GNA12: variants seen among roughly 807,000 people sequenced by gnomAD.
GNA12 encodes guanine nucleotide-binding protein subunit alpha-12.
In GNA12, 9 loss-of-function variants were observed where a neutral mutation model predicts 26.0. That is an observed-to-expected ratio of 0.35 (90% CI 0.21 to 0.60). GNA12 has a LOEUF of 0.60. Among genes scored for constraint, GNA12 ranks in the 20% least tolerant of loss-of-function variants. The pLI, the probability that GNA12 is intolerant of heterozygous loss-of-function variation, is 0.78. For missense variants in GNA12, 405 were observed against 525.8 expected (o/e 0.77, Z 2.25); for synonymous variants, 264 against 219.6 (o/e 1.20, Z -1.79).
At chr7:2,736,839 C>T (rs1790206570) in intron 2 of GNA12, among the ~76,000 whole-genome samples, 1 of 152,226 alleles carries the variant, frequency 6.6e-6, no homozygotes, top group East Asian at 1.9e-4. Context: ...GCAAGCTGCC[C>T]CTTCACAGAC....
chr7:2,828,416 C>A (rs755741232), intron 1 of GNA12, among the ~76,000 whole-genome samples: 2 of 152,170 alleles, frequency 1.3e-5, no homozygotes, highest in African/African-American at 4.8e-5. Flanking sequence ...TGAAGTGGCA[C>A]GATCCTAGCT....
chr7:2,778,465 T>A (rs1205032809), intron 2 of GNA12, among the ~76,000 whole-genome samples: 1 of 152,180 alleles, frequency 6.6e-6, no homozygotes, highest in Admixed American at 6.5e-5. Flanking sequence ...ATTTCTTCCA[T>A]GACACTCACA....
intron 1 of GNA12, among the ~76,000 whole-genome samples, chr7:2,829,040 T>A (rs1215584073): frequency 6.8e-6 from 1 of 147,878 alleles, no homozygotes; most frequent in Admixed American, 6.8e-5. Flanking sequence ...ATCACTGCAC[T>A]CCAGCCTCGG....
chr7:2,835,828 C>A, intron 1 of GNA12: 1 of 643,532 alleles, frequency 1.6e-6, no homozygotes, highest in South Asian at 1.5e-5. Flanking sequence ...GATGCCTTAT[C>A]AAATCGGTGA....
Position 2,731,706 on chromosome 7 carries a change from G to A in GNA12, c.621C>T (p.Ala207=), listed in dbSNP as rs918756975. ...AGTCATGCTCCACAATTCCCTTGGTGGCTTTCCTAGCCAGCAGGATATCTT... is the reference window on the plus strand; with the variant it reads ...AGTCATGCTCCACAATTCCCTTGGTAGCTTTCCTAGCCAGCAGGATATCTT... The part of the protein sequence containing the change: ...SKQDILLARK[A]TKGIVEHDFV... The change falls in exon 4 of 4, where the codon GCC becomes GCT. Residue 207 remains alanine (A), a synonymous_variant. Coordinates refer to ENST00000275364, the MANE Select transcript of GNA12 (RefSeq NM_007353.3). The surrounding 1 kb of genome is among the most constrained non-coding windows in gnomAD (Gnocchi z 6.0). 1.3e-6 allele frequency: 2 copies of A among 1,584,656 alleles called. No individual in the cohort carries two copies. Among genetic ancestry groups the A allele is most frequent in the East Asian group, 2.2e-5 (1 of 44,486 alleles).
chr7:2,802,913 A>G (rs1419691683), intron 1 of GNA12, among the ~76,000 whole-genome samples: 1 of 152,236 alleles, frequency 6.6e-6, no homozygotes, highest in Non-Finnish European at 1.5e-5. Context: ...CAGCCATCAG[A>G]GCCTCTGCCA....
At chr7:2,840,396 T>G (rs536947138) in intron 1 of GNA12, among the ~76,000 whole-genome samples, 1 of 152,346 alleles carries the variant, frequency 6.6e-6, no homozygotes, top group South Asian at 2.1e-4. Flanking sequence ...TGAAGCATTA[T>G]GAAAATTCAA....
At chr7:2,834,276 C>T (rs1778765590) in intron 1 of GNA12, among the ~76,000 whole-genome samples, 1 of 152,252 alleles carries the variant, frequency 6.6e-6, no homozygotes, top group African/African-American at 2.4e-5. Flanking sequence ...TCTCCACTTG[C>T]TGAAATCCTA....
chr7:2,768,155 C>CATT (rs1043579325), intron 2 of GNA12, among the ~76,000 whole-genome samples: 40 of 152,304 alleles, frequency 2.6e-4, no homozygotes, highest in African/African-American at 8.7e-4. Flanking sequence ...GCTTACAGAC[C>CATT]TAATGGAGAC....
chr7:2,778,898 T>C (rs1305684442), intron 2 of GNA12, among the ~76,000 whole-genome samples: 2 of 152,170 alleles, frequency 1.3e-5, no homozygotes, highest in Non-Finnish European at 1.5e-5. Context: ...GGATGGGGAA[T>C]GGGGTTGATA....
chr7:2,811,948 T>C (rs1251582629), intron 1 of GNA12, among the ~76,000 whole-genome samples: 1 of 152,220 alleles, frequency 6.6e-6, no homozygotes, highest in Non-Finnish European at 1.5e-5. Context: ...ATCTGTTTTT[T>C]TCACGCACAG....
intron 1 of GNA12, among the ~76,000 whole-genome samples, chr7:2,800,778 C>A (rs1302854164): frequency 6.6e-6 from 1 of 152,170 alleles, no homozygotes; most frequent in Non-Finnish European, 1.5e-5. Context: ...GGACTGGAAT[C>A]TACCTAGAGG....
chr7:2,831,657 C>T (rs991298643), intron 1 of GNA12, among the ~76,000 whole-genome samples: 7 of 152,086 alleles, frequency 4.6e-5, no homozygotes, highest in Non-Finnish European at 8.8e-5. Context: ...CCCGCCTCAG[C>T]CTCCCAAAGT....
rs185859848 is a variant in GNA12 at position 2,738,428 on chromosome 7, G to A, written c.526-4927C>T. ...ACGCAGTCAGGGGCTACGCACCGGC[G>A]AAGGAGAAGAGCTCCGTGGCTGGAA... On this transcript the variant is annotated intron_variant, in intron 2 of 3. Coordinates refer to ENST00000275364, the MANE Select transcript of GNA12 (RefSeq NM_007353.3). Among the ~76,000 whole-genome samples the A allele has an allele frequency of 1.4e-4, 22 of 152,296 alleles. No individual in the cohort carries two copies. The East Asian group carries it at 3.5e-3, about 24-fold the overall frequency.
rs1305921670 is a variant in GNA12, at chr7:2,793,338, G to A, written c.525+1590C>T. 2.0e-5 allele frequency among the ~76,000 whole-genome samples: 3 copies of A among 147,478 alleles called. No individual in the cohort carries two copies. The East Asian group carries it at 5.8e-4, about 29-fold the overall frequency. On this transcript the variant is annotated intron_variant, in intron 2 of 3. Coordinates refer to ENST00000275364, the MANE Select transcript of GNA12 (RefSeq NM_007353.3). ...AGGAAGCAGCGGACAGGACGCGAGA[G>A]GAAGCAGCGGACAGGAGCGCAAGAG...
At chr7:2,763,191 A>AACACAC (rs56384682) in intron 2 of GNA12, 7,430 of 222,408 alleles carry the variant, frequency 0.033, 368 homozygotes, top group East Asian at 0.13. Flanking sequence ...AAGACACCCC[A>AACACAC]ACACACACAC....
At chr7:2,825,690 G>A (rs1248850485) in intron 1 of GNA12, among the ~76,000 whole-genome samples, 2 of 152,192 alleles carry the variant, frequency 1.3e-5, no homozygotes, top group Admixed American at 1.3e-4. Context: ...TATGAAAAAT[G>A]CCTGAGAAAA....
chr7:2,827,679 A>G (rs966541439), intron 1 of GNA12, among the ~76,000 whole-genome samples: 2 of 152,228 alleles, frequency 1.3e-5, no homozygotes, highest in Non-Finnish European at 2.9e-5. Flanking sequence ...AGAATAGGGC[A>G]GATGGCAGGA....
At chr7:2,791,131 TAA>T (rs886975805) in intron 2 of GNA12, among the ~76,000 whole-genome samples, 152 of 152,360 alleles carry the variant, frequency 1.0e-3, no homozygotes, top group African/African-American at 3.6e-3. Context: ...TTTATTTTAT[TAA>T]AAAAGAGGAC....
Sources: allele counts gnomAD v4.1 joint callset (sites outside exome capture counted in the v4.1 genomes callset), GRCh38; gene constraint gnomAD v4.1.1; non-coding constraint Gnocchi (gnomAD v3.1); transcripts MANE v1.5; gene names NCBI Gene and HGNC (gene_info 2026-07-23, HGNC 2026-07-21).